Variants in BCL11B observed in about 807,000 individuals in gnomAD.
BCL11B encodes BCL11 transcription factor B, also known as B-cell lymphoma/leukemia 11B.
A neutral mutation model predicts 49.9 loss-of-function variants in BCL11B; 8 were observed. That is an observed-to-expected ratio of 0.16 (90% CI 0.09 to 0.29). The LOEUF is 0.29. BCL11B is among the 10% of genes least tolerant of loss of function. BCL11B has a pLI of 1.00. For missense variants in BCL11B, 1,006 were observed against 1,351.0 expected (o/e 0.74, Z 4.00); for synonymous variants, 739 against 637.4 (o/e 1.16, Z -2.40).
In BCL11B at chr14:99,174,550, G is replaced by A. The variant is rs1389684919; in HGVS notation, c.2286C>T (p.Gly762=). Reference sequence around the variant, plus strand: ...CCGTGCCGCTGCGGCCCGAGAGGCCGCCGTCCAGCAGGTCCCCGGGCGGCG... The same window carrying A: ...CCGTGCCGCTGCGGCCCGAGAGGCCACCGTCCAGCAGGTCCCCGGGCGGCG... ...FSTPPGDLLD[G]GLSGRSGTAS... The change falls in exon 4 of 4, where the codon GGC becomes GGT. Residue 762 remains glycine, a synonymous_variant. Transcript: ENST00000357195. The A allele has an allele frequency of 4.5e-5, 68 of 1,511,024 alleles. No homozygotes were observed. Among genetic ancestry groups the A allele is most frequent in the Non-Finnish European group, 5.7e-5 (64 of 1,132,200 alleles). 93.6% of individuals were successfully genotyped at this position (1,511,024 alleles called of 1,614,324 possible).
intron 3 of BCL11B, among the ~76,000 whole-genome samples, chr14:99,230,965 G>C (rs1888312618): frequency 6.6e-6 from 1 of 152,138 alleles, no homozygotes; most frequent in African/African-American, 2.4e-5. Context: ...CCCTAGCCTG[G>C]TCTTGGCGGG....
chr14:99,248,221 A>T lies in BCL11B; in HGVS notation c.427+9250T>A, dbSNP rs1888903178. Among the ~76,000 whole-genome samples the T allele has an allele frequency of 1.3e-5, 2 of 151,968 alleles. No homozygotes were observed. Among genetic ancestry groups the T allele is most frequent in the African/African-American group, 4.8e-5 (2 of 41,338 alleles). ...AGACTCCTCCTTTCTGAGACACCCC[A>T]GGGCCCTCCAGACCAAAACCAGCGG... On this transcript the variant is annotated intron_variant, in intron 2 of 3. Coordinates refer to ENST00000357195, the MANE Select transcript of BCL11B (RefSeq NM_138576.4). The surrounding 1 kb of genome is among the most constrained non-coding windows in gnomAD (Gnocchi z 4.7).
intron 3 of BCL11B, among the ~76,000 whole-genome samples, chr14:99,211,322 T>C (rs889170233): frequency 5.3e-5 from 8 of 152,180 alleles, no homozygotes; most frequent in Admixed American, 3.9e-4. Context: ...GGGGTCCCCA[T>C]GAGAGCCTGC....
In BCL11B at chr14:99,171,176, G is replaced by A. The variant is rs993611711; in HGVS notation, c.*2975C>T. The A allele has an allele frequency of 3.5e-5, 8 of 228,442 alleles. No individual in the cohort carries two copies. Among genetic ancestry groups the A allele is most frequent in the Admixed American group, 5.7e-5 (1 of 17,596 alleles). 14.2% of individuals were successfully genotyped at this position (228,442 alleles called of 1,614,324 possible). ...GGAGCCTTGATGCAAGGTTCGGGGCGTTCAGAGAGAAGCCCAACACGAACG... is the reference window on the plus strand; with the variant it reads ...GGAGCCTTGATGCAAGGTTCGGGGCATTCAGAGAGAAGCCCAACACGAACG... On this transcript the variant is annotated 3_prime_UTR_variant, in exon 4 of 4. Transcript: ENST00000357195.
intron 3 of BCL11B, among the ~76,000 whole-genome samples, chr14:99,190,688 C>T (rs373546263): frequency 3.9e-5 from 6 of 152,252 alleles, no homozygotes; most frequent in African/African-American, 1.4e-4. Flanking sequence ...AAACCACTGG[C>T]AAATTTCTCA....
Position 99,257,436 on chromosome 14 carries a change from T to G in BCL11B, c.427+35A>C, listed in dbSNP as rs769289929. On this transcript the variant is annotated intron_variant, in intron 2 of 3. Coordinates refer to ENST00000357195, the MANE Select transcript of BCL11B (RefSeq NM_138576.4). This position sits in a 1 kb window ranked among gnomAD's most constrained non-coding sequence, Gnocchi z 6.2. The stretch of plus-strand genomic sequence containing the variant: ...GAGGGCATGGGACCCAGGAGGTGGC[T>G]TCCACAGCAACCAGGCAAGCGCAGC... The G allele has an allele frequency of 6.4e-7, 1 of 1,554,872 alleles. No individual in the cohort carries two copies. The highest frequency in any genetic ancestry group is 2.3e-5 in the East Asian group (1 of 44,026).
intron 3 of BCL11B, among the ~76,000 whole-genome samples, chr14:99,199,291 AT>A (rs1887273129): frequency 6.6e-6 from 1 of 152,208 alleles, no homozygotes; most frequent in African/African-American, 2.4e-5. Flanking sequence ...ATGCTCCTTA[AT>A]AAATACCACT....
intron 2 of BCL11B, among the ~76,000 whole-genome samples, chr14:99,244,978 G>A (rs887430238): frequency 2.6e-5 from 4 of 152,140 alleles, no homozygotes; most frequent in African/African-American, 9.7e-5. Flanking sequence ...TAGAGATGTG[G>A]GTCCAATCCT....
chr14:99,249,741 T>A (rs1048335484), intron 2 of BCL11B, among the ~76,000 whole-genome samples: 2 of 152,192 alleles, frequency 1.3e-5, no homozygotes, highest in African/African-American at 4.8e-5. Context: ...TATTAGCATA[T>A]CATAAGGTCA....
intron 3 of BCL11B, among the ~76,000 whole-genome samples, chr14:99,185,501 C>T (rs756790792): frequency 8.6e-5 from 13 of 151,580 alleles, no homozygotes; most frequent in African/African-American, 2.4e-4. Flanking sequence ...CACAGAGAAC[C>T]GGAGGTGCCC....
At position 99,174,238 on chromosome 14, in the gene BCL11B, G is replaced by A. The variant is rs1312294376; in HGVS notation, c.2598C>T (p.Tyr866=). The change falls in exon 4 of 4, where the codon TAC becomes TAT. Residue 866 remains tyrosine, a synonymous_variant. Coordinates refer to ENST00000357195, the MANE Select transcript of BCL11B (RefSeq NM_138576.4). The part of the protein sequence containing the change: ...CDICQMPFSV[Y]STLEKHMKKW... ...TTTTCATGTGTTTCTCCAGGGTGCT[G>A]TAGACGCTGAAGGGCATCTGGCAGA... is the stretch of plus-strand genomic sequence containing the variant. The A allele has an allele frequency of 1.2e-6, 2 of 1,613,960 alleles. No homozygotes were observed. The highest frequency in any genetic ancestry group is 8.5e-7 in the Non-Finnish European group (1 of 1,180,026).
At position 99,174,920 on chromosome 14, in the gene BCL11B, G is replaced by GCGTCGT; in HGVS notation, c.1910_1915dup (p.Asp637_Asp638dup). Reference sequence around the variant, plus strand: ...CGCGCCCGCGTCCCCGCAGCCGCCCGCGTCGTCGTCGTCGCCCGCGTCCCC... The same window carrying GCGTCGT: ...CGCGCCCGCGTCCCCGCAGCCGCCCGCGTCGTCGTCGTCGTCGTCGCCCGCGTCCCC... On this transcript the variant is annotated inframe_insertion, in exon 4 of 4. Coordinates refer to ENST00000357195, the MANE Select transcript of BCL11B (RefSeq NM_138576.4). 1 of 1,230,392 alleles carries GCGTCGT rather than the reference G, an allele frequency of 8.1e-7. No individual in the cohort carries two copies. Among genetic ancestry groups the GCGTCGT allele is most frequent in the Non-Finnish European group, 1.0e-6 (1 of 976,430 alleles). The allele number at this position is 1,230,392 out of a possible 1,614,324, so 76.2% of individuals were successfully genotyped here. A position where few individuals can be genotyped will look rare whatever the true frequency, so the allele number is the denominator to read the frequency against.
chr14:99,189,998 G>A (rs913462597), intron 3 of BCL11B, among the ~76,000 whole-genome samples: 1 of 152,162 alleles, frequency 6.6e-6, no homozygotes, highest in Non-Finnish European at 1.5e-5. Context: ...CCGAGCCCAG[G>A]AAATCACTCT....
At chr14:99,188,153 T>A (rs1886911913) in intron 3 of BCL11B, among the ~76,000 whole-genome samples, 1 of 152,238 alleles carries the variant, frequency 6.6e-6, no homozygotes, top group South Asian at 2.1e-4. Flanking sequence ...TAAATTTGTC[T>A]CATTTGTCTC....
chr14:99,176,205 C>T lies in BCL11B; in HGVS notation c.641-10G>A. 6.2e-7 allele frequency: 1 copy of T among 1,608,800 alleles called. No homozygotes were observed. Among genetic ancestry groups the T allele is most frequent in the Non-Finnish European group, 8.5e-7 (1 of 1,177,742 alleles). On this transcript the variant is annotated splice_polypyrimidine_tract_variant and intron_variant, in intron 3 of 3. Coordinates refer to ENST00000357195, the MANE Select transcript of BCL11B (RefSeq NM_138576.4). The stretch of plus-strand genomic sequence containing the variant: ...GAAGGCTCATCTTTACCTGGGGAAA[C>T]ACACGGACAGAAAGGCAGAGACAGC...
intron 3 of BCL11B, among the ~76,000 whole-genome samples, chr14:99,220,752 T>C (rs1348719891): frequency 6.6e-6 from 1 of 152,170 alleles, no homozygotes; most frequent in Non-Finnish European, 1.5e-5. Context: ...CTTACCACAA[T>C]TAAAAAAACT....
intron 2 of BCL11B, among the ~76,000 whole-genome samples, chr14:99,251,373 C>T (rs990353362): frequency 6.6e-6 from 1 of 152,086 alleles, no homozygotes; most frequent in African/African-American, 2.4e-5. Context: ...CTGAATCAAA[C>T]CTTATAACAA....
chr14:99,227,670 T>C (rs1490417863), intron 3 of BCL11B, among the ~76,000 whole-genome samples: 2 of 152,124 alleles, frequency 1.3e-5, no homozygotes, highest in East Asian at 1.9e-4. Flanking sequence ...AAATGTTGCA[T>C]ACATACACAT....
Position 99,231,612 on chromosome 14 carries a change from G to A in BCL11B, c.428-55C>T, listed in dbSNP as rs2139892000. On this transcript the variant is annotated intron_variant, in intron 2 of 3. Coordinates refer to ENST00000357195, the MANE Select transcript of BCL11B (RefSeq NM_138576.4). This position sits in a 1 kb window ranked among gnomAD's most constrained non-coding sequence, Gnocchi z 8.1. ...CAGTCGGGCCCTGGACTGTGTGAGG[G>A]GCACGGGGTGGGACGGGGCTCGGGG... The A allele has an allele frequency of 6.6e-7, 1 of 1,520,834 alleles. No individual in the cohort carries two copies. The highest frequency in any genetic ancestry group is 2.0e-5 in the Admixed American group (1 of 50,896). 94.2% of individuals were successfully genotyped at this position (1,520,834 alleles called of 1,614,324 possible). A position where few individuals can be genotyped will look rare whatever the true frequency, so the allele number is the denominator to read the frequency against.
Sources: allele counts gnomAD v4.1 joint callset (sites outside exome capture counted in the v4.1 genomes callset), GRCh38; gene constraint gnomAD v4.1.1; non-coding constraint Gnocchi (gnomAD v3.1); transcripts MANE v1.5; gene names NCBI Gene and HGNC (gene_info 2026-07-23, HGNC 2026-07-21).